SND1: variants seen among roughly 807,000 people sequenced by gnomAD.
SND1 encodes the protein staphylococcal nuclease and tudor domain containing 1.
SND1 carries 38 observed loss-of-function variants against 121.7 expected under a neutral mutation model. The ratio of observed to expected loss-of-function variants is 0.31; its 90% confidence interval spans 0.24 to 0.41. SND1 has a LOEUF of 0.41. Ranked by LOEUF, SND1 falls within the 10% of genes least tolerant of loss-of-function variation. SND1 has a pLI of 1.00. For missense variants in SND1, 868 were observed against 1,184.6 expected, an observed-to-expected ratio of 0.73 and a Z score of 3.92; for synonymous variants, 401 against 447.4, an observed-to-expected ratio of 0.90 and a Z score of 1.31.
At chr7:128,043,649 C>T (rs910205861) in intron 16 of SND1, among the ~76,000 whole-genome samples, 6 of 151,124 alleles carry the variant, frequency 4.0e-5, no homozygotes, top group Non-Finnish European at 5.9e-5. Flanking sequence ...GGCCTGGTCT[C>T]CTATCAGGCA....
chr7:127,894,194 A>T (rs1034845390), intron 13 of SND1, among the ~76,000 whole-genome samples: 1 of 152,082 alleles, frequency 6.6e-6, no homozygotes, highest in Admixed American at 6.6e-5. Flanking sequence ...GGGCTTTCTA[A>T]GTTCCATATG....
At chr7:127,695,083 T>C (rs1416364977) in intron 3 of SND1, 135 bp downstream of exon 3, 4 of 1,015,766 alleles carry the variant, frequency 3.9e-6, no homozygotes, top group Non-Finnish European at 5.7e-6. Flanking sequence ...TAAATGCAAA[T>C]GCTTTGGGCC....
intron 10 of SND1, among the ~76,000 whole-genome samples, chr7:127,725,689 A>G (rs1054258036): frequency 3.9e-5 from 6 of 152,318 alleles, no homozygotes; most frequent in East Asian, 3.9e-4. Flanking sequence ...CTGGGGGTCA[A>G]TGGCTTTGGC....
chr7:127,682,093 A>G (rs1202435729), intron 1 of SND1, among the ~76,000 whole-genome samples: 4 of 152,162 alleles, frequency 2.6e-5, no homozygotes. Flanking sequence ...TTGTATAAGA[A>G]GTTTTCTGTC....
At chr7:127,766,771 C>CCAAAA (rs1491372015) in intron 10 of SND1, among the ~76,000 whole-genome samples, 2 of 33,202 alleles carry the variant, frequency 6.0e-5, no homozygotes, top group Admixed American at 1.3e-3. Context: ...GACTTTGTCT[C>CCAAAA]AAAAAAAAAA....
chr7:127,864,088 T>C (rs1438703801), intron 12 of SND1, among the ~76,000 whole-genome samples: 2 of 152,110 alleles, frequency 1.3e-5, no homozygotes, highest in Non-Finnish European at 2.9e-5. Context: ...TACTTGATGA[T>C]GTATAAATGT....
intron 10 of SND1, among the ~76,000 whole-genome samples, chr7:127,758,082 T>G (rs1025748395): frequency 1.3e-5 from 2 of 152,252 alleles, no homozygotes; most frequent in Non-Finnish European, 2.9e-5. Flanking sequence ...ACACAAAATT[T>G]ACTTTGGAGA....
intron 16 of SND1, among the ~76,000 whole-genome samples, chr7:127,992,587 T>C (rs1008949343): frequency 2.0e-5 from 3 of 152,226 alleles, no homozygotes; most frequent in African/African-American, 7.2e-5. Context: ...CTTCATTAGA[T>C]TGCCCAAGAC....
chr7:127,926,556 T>TC (rs1419543345), intron 14 of SND1, among the ~76,000 whole-genome samples: 3 of 138,162 alleles, frequency 2.2e-5, no homozygotes, highest in South Asian at 2.5e-4. Context: ...TTTCTTTTTT[T>TC]TTTTTTTTTT....
intron 11 of SND1, among the ~76,000 whole-genome samples, chr7:127,837,294 T>G (rs1798884532): frequency 6.6e-6 from 1 of 152,194 alleles, no homozygotes; most frequent in African/African-American, 2.4e-5. Context: ...GTTTGTAAAG[T>G]ACACACCAGA....
chr7:127,799,623 T>G (rs1798092478), intron 10 of SND1, among the ~76,000 whole-genome samples: 1 of 152,214 alleles, frequency 6.6e-6, no homozygotes. Flanking sequence ...TCACGTAGAT[T>G]CCAGTTTTTA....
intron 10 of SND1, among the ~76,000 whole-genome samples, chr7:127,800,921 G>A (rs574218942): frequency 6.4e-4 from 97 of 152,030 alleles, no homozygotes; most frequent in Middle Eastern, 3.4e-3. Flanking sequence ...ATTTATATTG[G>A]GTTTTACTAT....
intron 1 of SND1, among the ~76,000 whole-genome samples, chr7:127,653,524 T>C (rs1282352489): frequency 6.6e-6 from 1 of 152,172 alleles, no homozygotes; most frequent in East Asian, 1.9e-4. Context: ...AAAATTCTAT[T>C]TTAGGCCTGG....
intron 15 of SND1, among the ~76,000 whole-genome samples, chr7:127,930,666 A>G (rs1480698316): frequency 6.6e-6 from 1 of 152,202 alleles, no homozygotes; most frequent in Admixed American, 6.5e-5. Flanking sequence ...TGCTAATGTG[A>G]GTTATGGTAA....
At chr7:128,012,689 C>T (rs991819887) in intron 16 of SND1, among the ~76,000 whole-genome samples, 3 of 151,962 alleles carry the variant, frequency 2.0e-5, no homozygotes, top group Non-Finnish European at 2.9e-5. Context: ...CTGCAGCCAA[C>T]CTAAATGGAG....
chr7:127,977,544 A>G (rs1006639895), intron 15 of SND1, among the ~76,000 whole-genome samples: 38 of 152,228 alleles, frequency 2.5e-4, no homozygotes, highest in Non-Finnish European at 4.6e-4. Context: ...TGTTTTAGGA[A>G]GATTAATCTG....
chr7:128,031,697 C>T (rs1792609486), intron 16 of SND1: 1 of 145,924 alleles, frequency 6.9e-6, no homozygotes, highest in Non-Finnish European at 1.5e-5. Flanking sequence ...GCCCGCACCG[C>T]AGGCCCCTTC....
intron 9 of SND1, among the ~76,000 whole-genome samples, chr7:127,719,119 T>C (rs1286734552): frequency 1.3e-5 from 2 of 152,178 alleles, no homozygotes; most frequent in African/African-American, 4.8e-5. Flanking sequence ...ATAGCAGATA[T>C]CATGGAAACT....
At chr7:127,714,333 T>A (rs888648578) in intron 9 of SND1, among the ~76,000 whole-genome samples, 5 of 152,116 alleles carry the variant, frequency 3.3e-5, no homozygotes, top group Non-Finnish European at 5.9e-5. Flanking sequence ...GTTTTGGAGA[T>A]CAGGATATAA....
Sources: allele counts gnomAD v4.1 joint callset (sites outside exome capture counted in the v4.1 genomes callset), GRCh38; gene constraint gnomAD v4.1.1; transcripts MANE v1.5; gene names NCBI Gene and HGNC (gene_info 2026-07-23, HGNC 2026-07-21).